The following PAK2 variants were observed in gnomAD, a reference collection of about 807,000 sequenced individuals.
The protein encoded by PAK2 is serine/threonine-protein kinase PAK 2.
A neutral mutation model predicts 65.9 loss-of-function variants in PAK2; 21 were observed. The observed-to-expected ratio is 0.32, with a 90% confidence interval of 0.23 to 0.46. The LOEUF is 0.46. Among genes scored for constraint, PAK2 ranks in the 20% least tolerant of loss-of-function variants. The pLI, the probability that PAK2 is intolerant of heterozygous loss-of-function variation, is 1.00. For synonymous variants in PAK2, 204 were observed against 219.7 expected (o/e 0.93, Z 0.63); for missense variants, 324 against 642.6 (o/e 0.50, Z 5.36).
intron 1 of PAK2, among the ~76,000 whole-genome samples, chr3:196,754,202 G>T (rs1488390532): frequency 6.6e-6 from 1 of 152,106 alleles, no homozygotes; most frequent in Non-Finnish European, 1.5e-5. Context: ...AATTGTGACT[G>T]GAAGTTCCTG....
intron 14 of PAK2, among the ~76,000 whole-genome samples, chr3:196,827,865 A>G (rs996947304): frequency 6.8e-5 from 10 of 146,188 alleles, no homozygotes; most frequent in African/African-American, 2.3e-4. Context: ...CATCGTATCA[A>G]TCCTCAGACC....
intron 1 of PAK2, among the ~76,000 whole-genome samples, chr3:196,765,119 C>G (rs180676449): frequency 0.015 from 2,192 of 147,476 alleles, 102 homozygotes; most frequent in Admixed American, 0.095. Context: ...GCTGGGATTA[C>G]AGGCATGAGC....
intron 1 of PAK2, among the ~76,000 whole-genome samples, chr3:196,761,262 T>G (rs1713952565): frequency 8.5e-6 from 1 of 117,196 alleles, no homozygotes; most frequent in South Asian, 3.3e-4. Context: ...GATAAACAAG[T>G]GAACAAAGGT....
chr3:196,824,324 G>C (rs1158155557), intron 13 of PAK2, among the ~76,000 whole-genome samples: 1 of 152,142 alleles, frequency 6.6e-6, no homozygotes, highest in Non-Finnish European at 1.5e-5. Context: ...AAATAGCCAG[G>C]ACCCAGCAAT....
rs774766455 is a variant in PAK2, at chr3:196,803,148, G to A, written c.420G>A (p.Leu140=). 3 of 1,609,524 alleles carry A rather than the reference G, an allele frequency of 1.9e-6. No homozygotes were observed. Among genetic ancestry groups the A allele is most frequent in the South Asian group, 1.1e-5 (1 of 90,256 alleles). The change falls in exon 4 of 15, where the codon CTG becomes CTA. Residue 140 remains leucine, a synonymous_variant. Coordinates refer to ENST00000327134, the MANE Select transcript of PAK2 (RefSeq NM_002577.4). ...YDSNTVKQKY[L]SFTPPEKDGF... ...CCAACACAGTGAAGCAGAAATATCTGAGCTTTACTCCTCCTGGTAAGAGAG... is the reference window on the plus strand; with the variant it reads ...CCAACACAGTGAAGCAGAAATATCTAAGCTTTACTCCTCCTGGTAAGAGAG...
chr3:196,745,882 C>G (rs1713361547), intron 1 of PAK2, among the ~76,000 whole-genome samples: 1 of 150,958 alleles, frequency 6.6e-6, no homozygotes, highest in African/African-American at 2.4e-5. Context: ...TATTATCTTA[C>G]TGGACTTCAG....
At position 196,811,289 on chromosome 3, in the gene PAK2, TTCCC is replaced by T. The variant is rs1486218400; in HGVS notation, c.773+646_773+649del. 4.2e-4 allele frequency among the ~76,000 whole-genome samples: 28 copies of T among 66,350 alleles called. 1 individual carries two copies. Among genetic ancestry groups the T allele is most frequent in the Non-Finnish European group, 6.6e-4 (22 of 33,342 alleles). 43.5% of individuals were successfully genotyped at this position (66,350 alleles called of 152,430 possible). On this transcript the variant is annotated intron_variant, in intron 8 of 14. Coordinates refer to ENST00000327134, the MANE Select transcript of PAK2 (RefSeq NM_002577.4). ...CCTTCCCTTCCCTCCCTTCCCTCCC[TTCCC>T]TCCCTCCCTTCCTTCCCTTCCTTTC...
chr3:196,780,132 C>A (rs1274663567), intron 1 of PAK2, among the ~76,000 whole-genome samples: 2 of 152,210 alleles, frequency 1.3e-5, no homozygotes, highest in Non-Finnish European at 2.9e-5. Context: ...TAGGAAGAAT[C>A]ATTTTAGGGC....
chr3:196,762,117 G>A (rs368094652), intron 1 of PAK2, among the ~76,000 whole-genome samples: 5 of 129,104 alleles, frequency 3.9e-5, no homozygotes, highest in East Asian at 4.2e-4. Context: ...GGGCAGAGGC[G>A]TCCCCCACAT....
intron 1 of PAK2, among the ~76,000 whole-genome samples, chr3:196,762,168 C>T (rs529789726): frequency 9.3e-6 from 1 of 107,948 alleles, no homozygotes; most frequent in Admixed American, 8.7e-5. Flanking sequence ...TCCTCACTTC[C>T]TAGATGGGAT....
At chr3:196,763,496 C>T (rs1412784920) in intron 1 of PAK2, among the ~76,000 whole-genome samples, 4 of 151,992 alleles carry the variant, frequency 2.6e-5, no homozygotes, top group Admixed American at 6.6e-5. Flanking sequence ...GATCCGTTTT[C>T]GGAATGGACA....
At chr3:196,760,775 C>T (rs1358887238) in intron 1 of PAK2, among the ~76,000 whole-genome samples, 2 of 152,162 alleles carry the variant, frequency 1.3e-5, no homozygotes, top group Non-Finnish European at 2.9e-5. Context: ...TTATAACGGC[C>T]TTAAACTACT....
chr3:196,803,274 G>T, intron 4 of PAK2, 110 bp downstream of exon 4: 1 of 874,838 alleles, frequency 1.1e-6, no homozygotes, highest in South Asian at 1.9e-5. Flanking sequence ...TGTTGATAAC[G>T]GTTTTTCCCT....
At chr3:196,785,209 CA>C (rs1180789074) in intron 2 of PAK2, 1 of 152,118 alleles carries the variant, frequency 6.6e-6, no homozygotes, top group Non-Finnish European at 1.5e-5. Flanking sequence ...ATAATATAAT[CA>C]GAGTGTTGTG....
rs541601228 is a variant in PAK2, at chr3:196,808,591, A to C, written c.709+677A>C. ...AAAAAAAAAAGCGAACCGGCCGGGC[A>C]CTGTGGCTCATGCCTATAATCCCAG... On this transcript the variant is annotated intron_variant, in intron 7 of 14. Transcript: ENST00000327134. Among the ~76,000 whole-genome samples the C allele has an allele frequency of 3.6e-5, 5 of 137,246 alleles. No individual in the cohort carries two copies. The East Asian group carries it at 9.2e-4, about 25-fold the overall frequency. The allele number at this position is 137,246 out of a possible 152,430, so 90.0% of individuals were successfully genotyped here.
At chr3:196,750,795 T>C (rs1713554103) in intron 1 of PAK2, among the ~76,000 whole-genome samples, 1 of 151,920 alleles carries the variant, frequency 6.6e-6, no homozygotes, top group East Asian at 1.9e-4. Flanking sequence ...TTATAATAAA[T>C]GCTTTCTGGT....
chr3:196,752,142 C>G (rs1389318884), intron 1 of PAK2, among the ~76,000 whole-genome samples: 1 of 152,076 alleles, frequency 6.6e-6, no homozygotes, highest in African/African-American at 2.4e-5. Flanking sequence ...AGTTCTAGCC[C>G]CAAGCATTTT....
At chr3:196,792,738 G>A (rs186989824) in intron 2 of PAK2, among the ~76,000 whole-genome samples, 48 of 152,124 alleles carry the variant, frequency 3.2e-4, no homozygotes, top group African/African-American at 1.1e-3. Flanking sequence ...AACACAGCAT[G>A]TTGACCACAT....
At chr3:196,779,960 C>T (rs1040078995) in intron 1 of PAK2, among the ~76,000 whole-genome samples, 6 of 152,238 alleles carry the variant, frequency 3.9e-5, no homozygotes, top group Non-Finnish European at 7.3e-5. Context: ...CGCGCCCAGC[C>T]GCAATGTTGT....
Sources: gnomAD v4.1 joint callset for allele counts (sites outside exome capture counted in the v4.1 genomes callset) on GRCh38, gnomAD v4.1.1 for gene constraint, MANE v1.5 for transcripts, NCBI Gene and HGNC (gene_info 2026-07-23, HGNC 2026-07-21) for gene names.